Variants in BSN observed in about 807,000 individuals in gnomAD.
BSN encodes the protein bassoon presynaptic cytomatrix protein, also known as protein bassoon.
A neutral mutation model predicts 264.8 loss-of-function variants in BSN; 57 were observed. The observed-to-expected ratio is 0.22, with a 90% CI of 0.17 to 0.27. The LOEUF (loss-of-function observed/expected upper bound fraction) is 0.27, where lower values mean the gene tolerates loss of function less well. BSN is among the 10% of genes least tolerant of loss of function. The pLI, the probability that BSN is intolerant of heterozygous loss-of-function variation, is 1.00. For synonymous variants in BSN, 2,059 were observed against 2,137.3 expected (o/e 0.96, Z 1.01); for missense variants, 4,615 against 5,232.5 (o/e 0.88, Z 3.64).
At chr3:49,556,881 A>C (rs931128455) in intron 1 of BSN, among the ~76,000 whole-genome samples, 1 of 152,248 alleles carries the variant, frequency 6.6e-6, no homozygotes, top group Non-Finnish European at 1.5e-5. Flanking sequence ...ATTTGCTTTC[A>C]GTAAGATTTT....
At chr3:49,613,303 CGAGAGAGA>C (rs752108805) in intron 1 of BSN, among the ~76,000 whole-genome samples, 1,008 of 47,346 alleles carry the variant, frequency 0.021, 36 homozygotes, top group African/African-American at 0.066. Flanking sequence ...ACACACAGAG[CGAGAGAGA>C]GAGAGAGAGA....
chr3:49,627,509 G>T (rs2052350337), intron 2 of BSN, among the ~76,000 whole-genome samples: 1 of 152,218 alleles, frequency 6.6e-6, no homozygotes, highest in Non-Finnish European at 1.5e-5. Context: ...CTAAGAGCAG[G>T]TTCACCTTCC....
intron 8 of BSN, among the ~76,000 whole-genome samples, 197 bp downstream of exon 8, chr3:49,664,083 G>C (rs1249156135): frequency 1.3e-5 from 2 of 152,220 alleles, no homozygotes; most frequent in African/African-American, 4.8e-5. Context: ...CAGCACAGGG[G>C]CTTTAGGGCC....
chr3:49,606,654 C>G, intron 1 of BSN, among the ~76,000 whole-genome samples: 1 of 151,918 alleles, frequency 6.6e-6, no homozygotes, highest in Admixed American at 6.6e-5. Flanking sequence ...GCTCTGGCCA[C>G]CATTGGAGCC....
Position 49,654,384 on chromosome 3 carries a change from C to A in BSN, c.4828C>A (p.Pro1610Thr), listed in dbSNP as rs769938179. The A allele has an allele frequency of 2.5e-6, 4 of 1,605,770 alleles. No individual in the cohort carries two copies. The South Asian group carries it at 3.4e-5, about 14-fold the overall frequency. The change falls in exon 5 of 12, where the codon CCT (proline) becomes ACT (threonine). Residue 1610 changes from proline to threonine, a missense_variant. Coordinates refer to ENST00000296452, the MANE Select transcript of BSN (RefSeq NM_003458.4). The surrounding 1 kb of genome is among the most constrained non-coding windows in gnomAD (Gnocchi z 4.1). ...PSVSQLPPEP[P>T]GPPGFPRVPS... The stretch of plus-strand genomic sequence containing the variant: ...TGTGTCTCAGCTGCCCCCAGAGCCA[C>A]CTGGGCCACCTGGCTTTCCACGGGT...
At chr3:49,590,297 T>TA (rs1559599434) in intron 1 of BSN, among the ~76,000 whole-genome samples, 2 of 152,170 alleles carry the variant, frequency 1.3e-5, no homozygotes, top group Admixed American at 6.5e-5. Context: ...AATATGTCCT[T>TA]TAGATAGCCT....
intron 1 of BSN, among the ~76,000 whole-genome samples, chr3:49,557,787 G>T (rs865946157): frequency 6.6e-6 from 1 of 151,956 alleles, no homozygotes; most frequent in African/African-American, 2.4e-5. Context: ...CCGTGGTCTC[G>T]ATCTCCTAAC....
At chr3:49,570,680 G>A (rs1027903270) in intron 1 of BSN, among the ~76,000 whole-genome samples, 1 of 152,184 alleles carries the variant, frequency 6.6e-6, no homozygotes, top group African/African-American at 2.4e-5. Flanking sequence ...CCTGAGTGTT[G>A]AGTGAGGAAA....
intron 1 of BSN, among the ~76,000 whole-genome samples, chr3:49,593,432 G>C (rs747947882): frequency 6.6e-5 from 10 of 152,156 alleles, no homozygotes. Context: ...TAAAATCGCT[G>C]GGTCATTTGG....
chr3:49,651,721 C>G lies in BSN; in HGVS notation c.2165C>G (p.Ser722Cys), dbSNP rs2052542098. ...ACAGGGCCACATCCACCCAGCCCCT[C>G]CGAGATCCACAAGGTGGGGAGCAGC... ...GVTGPHPPSP[S>C]EIHKVGSSMR... Residue 722 changes from serine (S) to cysteine (C), a missense_variant, in exon 5 of 12, where the codon TCC (serine) becomes TGC (cysteine). Ser to Cys is a moderately radical substitution (Grantham distance 112, BLOSUM62 -1). Around this residue, in one of 3 missense-constraint regions of BSN, gnomAD observed 1,197 missense variants for 1,348.0 expected, o/e 0.89. Coordinates refer to ENST00000296452, the MANE Select transcript of BSN (RefSeq NM_003458.4). This position sits in a 1 kb window ranked among gnomAD's most constrained non-coding sequence, Gnocchi z 5.4. The G allele has an allele frequency of 6.2e-7, 1 of 1,613,846 alleles. No homozygotes were observed. Among genetic ancestry groups the G allele is most frequent in the Admixed American group, 1.7e-5 (1 of 60,016 alleles).
chr3:49,562,279 A>T (rs1029827256), intron 1 of BSN, among the ~76,000 whole-genome samples: 1 of 152,214 alleles, frequency 6.6e-6, no homozygotes, highest in Non-Finnish European at 1.5e-5. Context: ...AATTTTATCC[A>T]TGTATTCAGG....
rs1419420171 is a variant in BSN at position 49,661,676 on chromosome 3, G to A, written c.9831G>A (p.Gly3277=). ...KEPGEPGVLD[G]PTLPCCYARG... ...CTGGAGAACCAGGTGTCCTTGACGG[G>A]CCCACACTGCCCTGCTGCTATGCCA... Residue 3277 remains glycine, a synonymous_variant, in exon 6 of 12, where the codon GGG becomes GGA. Coordinates refer to ENST00000296452, the MANE Select transcript of BSN (RefSeq NM_003458.4). 2 of 1,613,554 alleles carry A rather than the reference G, an allele frequency of 1.2e-6. No homozygotes were observed. Among genetic ancestry groups the A allele is most frequent in the African/African-American group, 1.3e-5 (1 of 74,942 alleles).
intron 6 of BSN, 84 bp from the exon 7 acceptor site, chr3:49,662,792 C>T (rs1056877122): frequency 9.4e-6 from 14 of 1,493,594 alleles, no homozygotes; most frequent in East Asian, 2.3e-5. Flanking sequence ...CACCCACTCT[C>T]TTGGTTTCTT....
At chr3:49,621,560 A>T (rs912030603) in intron 1 of BSN, among the ~76,000 whole-genome samples, 1 of 152,110 alleles carries the variant, frequency 6.6e-6, no homozygotes, top group Admixed American at 6.5e-5. Context: ...GTCAAATGAG[A>T]TGAGGAACTG....
intron 1 of BSN, among the ~76,000 whole-genome samples, chr3:49,600,268 T>TG (rs1309585219): frequency 1.3e-5 from 2 of 151,722 alleles, no homozygotes; most frequent in Non-Finnish European, 2.9e-5. Flanking sequence ...GGCAGAGGAA[T>TG]GGGGGAGTGT....
intron 1 of BSN, among the ~76,000 whole-genome samples, chr3:49,577,799 C>T (rs1341768531): frequency 6.6e-6 from 1 of 152,158 alleles, no homozygotes; most frequent in Non-Finnish European, 1.5e-5. Flanking sequence ...CTCGGCCTCC[C>T]AAAGTGGTGG....
At chr3:49,624,905 C>A (rs1432600579) in intron 1 of BSN, 70 bp from the exon 2 acceptor site, 2 of 1,430,708 alleles carry the variant, frequency 1.4e-6, no homozygotes, top group Non-Finnish European at 1.9e-6. Context: ...GGTCACCTAG[C>A]TTGGTAGAGA....
rs1339380171 is a variant in BSN, at chr3:49,642,535, A to G, written c.901A>G (p.Arg301Gly). Residue 301 changes from arginine (R) to glycine (G), a missense_variant, in exon 3 of 12, where the codon AGG (arginine) becomes GGG (glycine). Transcript: ENST00000296452. This position sits in a 1 kb window ranked among gnomAD's most constrained non-coding sequence, Gnocchi z 7.0. ...AQAAAPPEVG[R>G]VSPQPPQPTK... The stretch of plus-strand genomic sequence containing the variant: ...AGCAGCTGCCCCTCCAGAGGTGGGG[A>G]GGGTGTCTCCTCAGCCCCCTCAACC... 6.3e-7 allele frequency: 1 copy of G among 1,588,608 alleles called. No individual in the cohort carries two copies. Among genetic ancestry groups the G allele is most frequent in the Non-Finnish European group, 8.6e-7 (1 of 1,165,178 alleles).
chr3:49,653,578 G>T lies in BSN; in HGVS notation c.4022G>T (p.Arg1341Leu), dbSNP rs756599405. The change falls in exon 5 of 12, where the codon CGT becomes CTT. Residue 1341 changes from arginine (R) to leucine (L), a missense_variant. By Grantham distance (102) the Arg-to-Leu change is moderately radical. Transcript: ENST00000296452. The surrounding 1 kb of genome is among the most constrained non-coding windows in gnomAD (Gnocchi z 6.3). ...GGGGGCCGAGTTATTCCCGATGTCCGTGTCACTCAGCATTTTGCAAAGGAG... is the reference window on the plus strand; with the variant it reads ...GGGGGCCGAGTTATTCCCGATGTCCTTGTCACTCAGCATTTTGCAAAGGAG... ...SSGGRVIPDV[R>L]VTQHFAKETQ... 1.1e-5 allele frequency: 18 copies of T among 1,613,698 alleles called. No individual in the cohort carries two copies. Among genetic ancestry groups the T allele is most frequent in the Admixed American group, 1.7e-5 (1 of 60,006 alleles).
Sources: allele counts gnomAD v4.1 joint callset (sites outside exome capture counted in the v4.1 genomes callset), GRCh38; gene constraint gnomAD v4.1.1; regional missense constraint gnomAD v4.1.1; non-coding constraint Gnocchi (gnomAD v3.1); transcripts MANE v1.5; gene names NCBI Gene and HGNC (gene_info 2026-07-23, HGNC 2026-07-21).